Variants in AFDN observed in about 807,000 individuals in gnomAD.
The protein encoded by AFDN is afadin.
Under a neutral mutation model 216.6 loss-of-function variants are expected in AFDN, and 68 were observed. The ratio of observed to expected loss-of-function variants is 0.31; its 90% CI spans 0.26 to 0.38. AFDN has a LOEUF of 0.38. Ranked by LOEUF, AFDN falls within the 10% of genes least tolerant of loss-of-function variation. The probability of loss-of-function intolerance (pLI) is 1.00; values close to 1 mark genes in which losing one functional copy is unlikely to be tolerated. For synonymous variants in AFDN, 868 were observed against 853.7 expected (o/e 1.02, Z -0.29); for missense variants, 2,136 against 2,342.0 (o/e 0.91, Z 1.82).
At chr6:167,916,982 C>G in intron 19 of AFDN, 107 bp from the exon 20 acceptor site, 1 of 1,007,758 alleles carries the variant, frequency 9.9e-7, no homozygotes, top group South Asian at 1.8e-5. Context: ...TTCTGCATTT[C>G]AAAGTTAAAT....
intron 20 of AFDN, among the ~76,000 whole-genome samples, chr6:167,918,213 G>T (rs35502815): frequency 6.6e-6 from 1 of 152,210 alleles, no homozygotes; most frequent in South Asian, 2.1e-4. Context: ...TCAATAAAAC[G>T]TGTCTAAATA....
intron 13 of AFDN, among the ~76,000 whole-genome samples, chr6:167,909,825 C>T (rs762665019): frequency 6.6e-6 from 1 of 152,168 alleles, no homozygotes; most frequent in African/African-American, 2.4e-5. Context: ...TGTTCCCTGG[C>T]TCTTACTGTC....
intron 21 of AFDN, 53 bp downstream of exon 21, chr6:167,918,986 A>C: frequency 6.8e-7 from 1 of 1,465,726 alleles, no homozygotes; most frequent in Non-Finnish European, 9.4e-7. Flanking sequence ...TGAAGCGAGC[A>C]TTTTATTCAT....
At position 167,912,964 on chromosome 6, in the gene AFDN, G is replaced by A. The variant is rs993611064; in HGVS notation, c.2038-439G>A. Among the ~76,000 whole-genome samples the A allele has an allele frequency of 3.5e-4, 53 of 152,058 alleles. 2 individuals carry two copies. Among genetic ancestry groups the A allele is most frequent in the African/African-American group, 1.3e-3 (52 of 41,494 alleles). The stretch of plus-strand genomic sequence containing the variant: ...TCAGCTTTTATTTTGATTGTTTCTT[G>A]GTCTTTCCTGTCTCTTCCATTCCTA... On this transcript the variant is annotated intron_variant, in intron 15 of 33. Coordinates refer to ENST00000683244, the MANE Select transcript of AFDN (RefSeq NM_001386888.1).
At position 167,889,476 on chromosome 6, in the gene AFDN, C is replaced by T. The variant is rs189015708; in HGVS notation, c.1009+150C>T. ...TTGAGACAGTCTCACTCTTGTTGCCCAGGCTGGAGTGCAGTGGCGCAATCT... is the reference window on the plus strand; with the variant it reads ...TTGAGACAGTCTCACTCTTGTTGCCTAGGCTGGAGTGCAGTGGCGCAATCT... On this transcript the variant is annotated intron_variant, in intron 7 of 33. Coordinates refer to ENST00000683244, the MANE Select transcript of AFDN (RefSeq NM_001386888.1). 516 of 578,584 alleles carry T rather than the reference C, an allele frequency of 8.9e-4. 1 individual carries two copies. The highest frequency in any genetic ancestry group is 1.2e-3 in the Non-Finnish European group (416 of 338,194). The allele number at this position is 578,584 out of a possible 1,614,324, so 35.8% of individuals were successfully genotyped here. A position where few individuals can be genotyped will look rare whatever the true frequency, so the allele number is the denominator to read the frequency against.
chr6:167,893,766 G>T (rs868681092), intron 8 of AFDN, 96 bp from the exon 9 acceptor site: 10 of 916,588 alleles, frequency 1.1e-5, no homozygotes. Flanking sequence ...CACCCTCTGC[G>T]TCTCTTCTCC....
At chr6:167,875,282 T>TTCTA in intron 4 of AFDN, 53 bp from the exon 5 acceptor site, 1 of 1,558,682 alleles carries the variant, frequency 6.4e-7, no homozygotes, top group Non-Finnish European at 8.7e-7. Context: ...ATGTGTCTAT[T>TTCTA]TCTAATAAGA....
intron 26 of AFDN, 38 bp downstream of exon 26, chr6:167,944,097 A>C: frequency 6.6e-7 from 1 of 1,509,092 alleles, no homozygotes; most frequent in Non-Finnish European, 9.2e-7. Flanking sequence ...TTTTACAGTC[A>C]TGGCCTCTTT....
chr6:167,953,832 C>A (rs556294019), intron 30 of AFDN, among the ~76,000 whole-genome samples: 1 of 152,200 alleles, frequency 6.6e-6, no homozygotes, highest in Non-Finnish European at 1.5e-5. Context: ...CGTTCATGGC[C>A]TTGTGTCACC....
chr6:167,938,016 G>A (rs1467606126), intron 23 of AFDN, among the ~76,000 whole-genome samples: 5 of 152,202 alleles, frequency 3.3e-5, no homozygotes, highest in Admixed American at 6.5e-5. Context: ...AATGGAGTTG[G>A]AGGAAGGAGC....
At chr6:167,966,138 G>A in intron 32 of AFDN, 93 bp downstream of exon 32, 2 of 1,535,136 alleles carry the variant, frequency 1.3e-6, no homozygotes, top group Non-Finnish European at 1.7e-6. Flanking sequence ...GCCACGCCCG[G>A]CCTCCGATGG....
chr6:167,918,608 C>CTG lies in AFDN; in HGVS notation c.2710-111_2710-110dup, dbSNP rs143827994. On this transcript the variant is annotated intron_variant, in intron 20 of 33. Transcript: ENST00000683244. The stretch of plus-strand genomic sequence containing the variant: ...GCTCCCTCCGTAACCCTGCGTCTGT[C>CTG]TGTGTGTGTGTGTGTGTCTGTGAGA... 2.2e-3 allele frequency: 1,711 copies of CTG among 791,836 alleles called. 17 individuals carry two copies. The highest frequency in any genetic ancestry group is 0.02 in the African/African-American group (1,150 of 58,340). The allele number at this position is 791,836 out of a possible 1,614,324, so 49.1% of individuals were successfully genotyped here. A position where few individuals can be genotyped will look rare whatever the true frequency, so the allele number is the denominator to read the frequency against.
intron 6 of AFDN, among the ~76,000 whole-genome samples, chr6:167,884,313 G>T (rs559551488): frequency 9.9e-5 from 15 of 151,982 alleles, no homozygotes; most frequent in African/African-American, 3.6e-4. Flanking sequence ...TCCTTATCCC[G>T]TGAATCATGA....
chr6:167,889,217 T>A lies in AFDN; in HGVS notation c.900T>A (p.Val300=). The A allele has an allele frequency of 6.2e-7, 1 of 1,612,486 alleles. No individual in the cohort carries two copies. Among genetic ancestry groups the A allele is most frequent in the Non-Finnish European group, 8.5e-7 (1 of 1,178,898 alleles). Residue 300 remains valine, a splice_region_variant and synonymous_variant, in exon 7 of 34, where the codon GTT becomes GTA. Transcript: ENST00000683244. The part of the protein sequence containing the change: ...ENPKDYCIAR[V]MLPPGAQHSD... ...GTTAATTATTTTTGTTTTTTTAGGT[T>A]ATGCTTCCTCCTGGAGCCCAGCATT...
At chr6:167,848,480 C>T (rs1302143340) in intron 1 of AFDN, among the ~76,000 whole-genome samples, 1 of 152,176 alleles carries the variant, frequency 6.6e-6, no homozygotes, top group Non-Finnish European at 1.5e-5. Flanking sequence ...TATTCTATCT[C>T]TGTCCCTATC....
chr6:167,914,709 A>C lies in AFDN; in HGVS notation c.2270A>C (p.Glu757Ala), dbSNP rs1288047194. The C allele has an allele frequency of 1.2e-6, 2 of 1,613,376 alleles. No individual in the cohort carries two copies. Among genetic ancestry groups the C allele is most frequent in the African/African-American group, 2.7e-5 (2 of 74,920 alleles). The stretch of plus-strand genomic sequence containing the variant: ...ATGCCAGCCTTTCTAGATGACCCTG[A>C]AGAGAACAGTCTGCAACGACCAAAA... ...NYMPAFLDDPEENSLQRPKID... is the reference protein window; with the variant it reads ...NYMPAFLDDPAENSLQRPKID... The change falls in exon 18 of 34, where the codon GAA becomes GCA. Residue 757 changes from glutamate to alanine, a missense_variant. Glu to Ala is a moderately radical substitution (Grantham distance 107, BLOSUM62 -1). Transcript: ENST00000683244.
intron 2 of AFDN, among the ~76,000 whole-genome samples, chr6:167,866,941 G>A (rs1205807899): frequency 6.6e-6 from 1 of 152,310 alleles, no homozygotes. Flanking sequence ...TCAGCCACCA[G>A]GGAAGCTCTG....
In AFDN at chr6:167,962,843, A is replaced by T; in HGVS notation, c.4968+276A>T. On this transcript the variant is annotated intron_variant, in intron 31 of 33. Transcript: ENST00000683244. This position sits in a 1 kb window ranked among gnomAD's most constrained non-coding sequence, Gnocchi z 5.2. ...TGTGTAGCAGTGAGCCTCTTTGCAA[A>T]GGGTTCGTTTCCTCGGGCACTCATC... 7.9e-7 allele frequency: 1 copy of T among 1,266,592 alleles called. No individual in the cohort carries two copies. The highest frequency in any genetic ancestry group is 1.0e-6 in the Non-Finnish European group (1 of 1,000,204). The allele number at this position is 1,266,592 out of a possible 1,614,324, so 78.5% of individuals were successfully genotyped here. A position where few individuals can be genotyped will look rare whatever the true frequency, so the allele number is the denominator to read the frequency against.
In AFDN at chr6:167,969,845, G is replaced by C. The variant is rs779741636; in HGVS notation, c.5406G>C (p.Gln1802His). Residue 1802 changes from glutamine to histidine, a missense_variant, in exon 34 of 34, where the codon CAG becomes CAC. Coordinates refer to ENST00000683244, the MANE Select transcript of AFDN (RefSeq NM_001386888.1). ...AAAACTTGACATTCAAGGAACGCCA[G>C]CGTCTTTTTTCACAAGGTCAAGATG... ...APENLTFKER[Q>H]RLFSQGQDVS... 6.2e-7 allele frequency: 1 copy of C among 1,613,272 alleles called. No individual in the cohort carries two copies. The highest frequency in any genetic ancestry group is 1.1e-5 in the South Asian group (1 of 90,792).
Sources: gnomAD v4.1 joint callset for allele counts (sites outside exome capture counted in the v4.1 genomes callset) on GRCh38, gnomAD v4.1.1 for gene constraint, Gnocchi (gnomAD v3.1) non-coding constraint, MANE v1.5 for transcripts, NCBI Gene and HGNC (gene_info 2026-07-23, HGNC 2026-07-21) for gene names.